The following NCOA3 variants were observed in gnomAD, a reference collection of about 807,000 sequenced individuals.
The protein encoded by NCOA3 is CBP-interacting protein.
A neutral mutation model predicts 158.8 loss-of-function variants in NCOA3; 51 were observed. The ratio of observed to expected loss-of-function variants is 0.32; its 90% confidence interval spans 0.26 to 0.41. The LOEUF (loss-of-function observed/expected upper bound fraction) is 0.41. Among genes scored for constraint, NCOA3 ranks in the 10% least tolerant of loss-of-function variants. The probability of loss-of-function intolerance (pLI) is 1.00; values close to 1 mark genes in which losing one functional copy is unlikely to be tolerated. For synonymous variants in NCOA3, 537 were observed against 592.4 expected, an observed-to-expected ratio of 0.91 and a Z score of 1.36; for missense variants, 1,510 against 1,746.6, an observed-to-expected ratio of 0.86 and a Z score of 2.41.
intron 17 of NCOA3, among the ~76,000 whole-genome samples, chr20:47,643,564 T>C (rs1373603233): frequency 2.6e-5 from 4 of 152,238 alleles, no homozygotes; most frequent in Non-Finnish European, 5.9e-5. Flanking sequence ...TGTTTTACTG[T>C]GTCCTTGTGA....
intron 2 of NCOA3, among the ~76,000 whole-genome samples, chr20:47,606,322 A>G (rs759018654): frequency 9.2e-5 from 14 of 152,190 alleles, no homozygotes; most frequent in African/African-American, 1.4e-4. Context: ...TAATAATGCT[A>G]ATGTGTTATT....
chr20:47,556,430 G>A lies in NCOA3; in HGVS notation c.-98-26753G>A, dbSNP rs554524804. Among the ~76,000 whole-genome samples the A allele has an allele frequency of 1.6e-4, 25 of 152,288 alleles. No individual in the cohort carries two copies. In the South Asian group the frequency reaches 5.2e-3, roughly 32 times the overall value. ...AGAATATAGAGTAGAAATTGATTTT[G>A]CAATATTTTGAACCTGGGCTTCAAG... On this transcript the variant is annotated intron_variant, in intron 1 of 22. Transcript: ENST00000371998.
intron 1 of NCOA3, among the ~76,000 whole-genome samples, chr20:47,527,199 T>C (rs2084469558): frequency 6.6e-6 from 1 of 152,188 alleles, no homozygotes; most frequent in Non-Finnish European, 1.5e-5. Flanking sequence ...TCTATTGTTA[T>C]GGCGAGTACT....
intron 1 of NCOA3, among the ~76,000 whole-genome samples, chr20:47,517,439 TTTTTTCTTTTTC>T (rs1424079387): frequency 6.7e-6 from 1 of 150,322 alleles, no homozygotes; most frequent in African/African-American, 2.5e-5. Context: ...TCTTTTTTTC[TTTTTTCTTTTTC>T]TTTTTTTTTT....
chr20:47,555,977 C>T (rs372380741), intron 1 of NCOA3, among the ~76,000 whole-genome samples: 13 of 138,514 alleles, frequency 9.4e-5, no homozygotes, highest in African/African-American at 3.2e-4. Flanking sequence ...GAGTCTTCCT[C>T]TGTTGTCCAG....
At chr20:47,544,597 G>C (rs891475252) in intron 1 of NCOA3, among the ~76,000 whole-genome samples, 28 of 151,636 alleles carry the variant, frequency 1.8e-4, no homozygotes, top group African/African-American at 6.5e-4. Flanking sequence ...ATTTTCTGTT[G>C]GTTTCTTACT....
rs1166777115 is a variant in NCOA3, at chr20:47,505,003, G to GTTTTTTTTTTTTTTTT, written c.-99+2995_-99+3010dup. Among the ~76,000 whole-genome samples the GTTTTTTTTTTTTTTTT allele has an allele frequency of 2.6e-3, 73 of 28,534 alleles. 20 individuals carry two copies. Among genetic ancestry groups the GTTTTTTTTTTTTTTTT allele is most frequent in the East Asian group, 9.5e-3 (7 of 734 alleles). The allele number at this position is 28,534 out of a possible 152,430, so 18.7% of individuals were successfully genotyped here. On this transcript the variant is annotated intron_variant, in intron 1 of 22. Coordinates refer to ENST00000371998, the MANE Select transcript of NCOA3 (RefSeq NM_181659.3). ...TAAAATAAATGGCTTTGGGTTTTTG[G>GTTTTTTTTTTTTTTTT]TTTTTTTTTTTTTTTTTTTTTTTTT...
intron 2 of NCOA3, among the ~76,000 whole-genome samples, chr20:47,599,795 CAT>C (rs1226487682): frequency 6.6e-6 from 1 of 152,160 alleles, no homozygotes; most frequent in African/African-American, 2.4e-5. Flanking sequence ...ATTCCAGCAG[CAT>C]ATCTTTTTCA....
chr20:47,634,457 T>C (rs2086476145), intron 10 of NCOA3, among the ~76,000 whole-genome samples: 1 of 152,210 alleles, frequency 6.6e-6, no homozygotes, highest in Non-Finnish European at 1.5e-5. Flanking sequence ...TAAAATCTGA[T>C]TACATGTCTT....
intron 2 of NCOA3, among the ~76,000 whole-genome samples, chr20:47,592,206 T>C (rs146437627): frequency 4.9e-3 from 742 of 152,242 alleles, no homozygotes; most frequent in Non-Finnish European, 7.0e-3. Context: ...CACACCTGGC[T>C]AATTTTTTTT....
chr20:47,640,167 G>T (rs866533839), intron 16 of NCOA3, 116 bp downstream of exon 16: 1 of 1,400,386 alleles, frequency 7.1e-7, no homozygotes, highest in Non-Finnish European at 9.9e-7. Context: ...TTGAGGTACT[G>T]GGTTGCCAGC....
chr20:47,632,544 C>T (rs763799049), intron 8 of NCOA3, among the ~76,000 whole-genome samples: 169 of 151,836 alleles, frequency 1.1e-3, no homozygotes, highest in Non-Finnish European at 2.1e-3. Flanking sequence ...CGCACCACCA[C>T]GCCCAGCTAA....
rs1379259847 is a variant in NCOA3, at chr20:47,590,820, C to CAA, written c.-20+7564_-20+7565dup. On this transcript the variant is annotated intron_variant, in intron 2 of 22. Transcript: ENST00000371998. ...ACCAAGACCCTGCCTCAAAACAAAA[C>CAA]AAAAAACGGCTGGGCATGGTGGCTC... Among the ~76,000 whole-genome samples the CAA allele has an allele frequency of 3.3e-5, 5 of 150,708 alleles. No homozygotes were observed. The South Asian group carries it at 6.4e-4, about 19-fold the overall frequency.
At chr20:47,523,365 C>A (rs1004789539) in intron 1 of NCOA3, among the ~76,000 whole-genome samples, 4 of 152,098 alleles carry the variant, frequency 2.6e-5, no homozygotes, top group Non-Finnish European at 5.9e-5. Flanking sequence ...GGGGTTGATC[C>A]AAGGGTCTTC....
chr20:47,513,402 A>G (rs796525000), intron 1 of NCOA3, among the ~76,000 whole-genome samples: 10 of 152,136 alleles, frequency 6.6e-5, no homozygotes, highest in African/African-American at 1.7e-4. Context: ...TAACCATACA[A>G]TGGAATGCAG....
rs761607812 is a variant in NCOA3, at chr20:47,634,141, G to A, written c.1058G>A (p.Arg353Gln). 10 of 1,613,920 alleles carry A rather than the reference G, an allele frequency of 6.2e-6. No homozygotes were observed. The South Asian group carries it at 7.7e-5, about 12-fold the overall frequency. The change falls in exon 10 of 23, where the codon CGA (arginine) becomes CAA (glutamine). Residue 353 changes from arginine (R) to glutamine (Q), a missense_variant. Transcript: ENST00000371998. ...GCACAGACAAAAAGCAAACTCTTCC[G>A]AAATCCTGTAACAAATGATCGACAT... The part of the protein sequence containing the change: ...VTAQTKSKLF[R>Q]NPVTNDRHGF...
intron 2 of NCOA3, among the ~76,000 whole-genome samples, chr20:47,600,408 T>C (rs146113952): frequency 0.027 from 4,131 of 152,020 alleles, 63 homozygotes; most frequent in Middle Eastern, 0.044. Context: ...ACTCGTGACC[T>C]CAGACAATCT....
At chr20:47,565,705 G>C (rs961979915) in intron 1 of NCOA3, among the ~76,000 whole-genome samples, 12 of 152,152 alleles carry the variant, frequency 7.9e-5, no homozygotes, top group Non-Finnish European at 1.3e-4. Context: ...CTGGGTGACA[G>C]ACTGAAACCC....
At chr20:47,619,791 A>G (rs1032996694) in intron 2 of NCOA3, among the ~76,000 whole-genome samples, 3 of 152,012 alleles carry the variant, frequency 2.0e-5, no homozygotes, top group African/African-American at 7.2e-5. Context: ...TGGAATCACT[A>G]TTCTTTTTAT....
Sources: allele counts gnomAD v4.1 joint callset (sites outside exome capture counted in the v4.1 genomes callset), GRCh38; gene constraint gnomAD v4.1.1; transcripts MANE v1.5; gene names NCBI Gene and HGNC (gene_info 2026-07-23, HGNC 2026-07-21).